RBFOX1: variants seen among roughly 807,000 people sequenced by gnomAD.
RBFOX1 encodes RNA binding protein fox-1 homolog 1.
RBFOX1 carries 8 observed loss-of-function variants against 57.7 expected under a neutral mutation model. That is an observed-to-expected ratio of 0.14 (90% CI 0.08 to 0.25). The LOEUF is 0.25. RBFOX1 is among the 10% of genes least tolerant of loss of function. The probability of loss-of-function intolerance (pLI) is 1.00; values close to 1 mark genes in which losing one functional copy is unlikely to be tolerated. For synonymous variants in RBFOX1, 326 were observed against 222.4 expected (o/e 1.47, Z -4.15); for missense variants, 611 against 548.5 (o/e 1.11, Z -1.14).
At chr16:7,527,936 C>T (rs912544196) in intron 5 of RBFOX1, among the ~76,000 whole-genome samples, 6 of 152,104 alleles carry the variant, frequency 3.9e-5, no homozygotes, top group East Asian at 1.9e-4. Flanking sequence ...ACTCCAATTC[C>T]GAGATTTATT....
At chr16:6,657,111 CCCTCTCCTCT>C (rs746674928) in intron 3 of RBFOX1, among the ~76,000 whole-genome samples, 26 of 111,792 alleles carry the variant, frequency 2.3e-4, no homozygotes, top group Non-Finnish European at 3.4e-4. Context: ...TCCTCTCCTC[CCCTCTCCTCT>C]CCTCTCCTCT....
In RBFOX1 at chr16:7,710,936, G is replaced by T; in HGVS notation, c.*191G>T. 3.0e-6 allele frequency: 2 copies of T among 674,476 alleles called. No homozygotes were observed. The highest frequency in any genetic ancestry group is 2.1e-6 in the Non-Finnish European group (1 of 469,448). The allele number at this position is 674,476 out of a possible 1,614,324, so 41.8% of individuals were successfully genotyped here. On this transcript the variant is annotated 3_prime_UTR_variant, in exon 16 of 16. Coordinates refer to ENST00000550418, the MANE Select transcript of RBFOX1 (RefSeq NM_018723.4). ...TTGTTCTGTGTATTTTAATATTGTG[G>T]GTCTTTAATTTCTGAAGGTTCCGTA...
At chr16:5,347,724 C>T (rs2065172781) in intron 1 of RBFOX1, among the ~76,000 whole-genome samples, 1 of 149,910 alleles carries the variant, frequency 6.7e-6, no homozygotes, top group Non-Finnish European at 1.5e-5. Flanking sequence ...ATCCATTCAT[C>T]CTCCCATCCA....
chr16:7,631,810 G>A (rs1385805309), intron 11 of RBFOX1, among the ~76,000 whole-genome samples: 2 of 152,082 alleles, frequency 1.3e-5, no homozygotes, highest in Admixed American at 6.5e-5. Context: ...TCACTGTTGG[G>A]GCAGCACCTC....
At chr16:7,150,983 T>A (rs1221407801) in intron 4 of RBFOX1, among the ~76,000 whole-genome samples, 2 of 152,212 alleles carry the variant, frequency 1.3e-5, no homozygotes, top group African/African-American at 4.8e-5. Flanking sequence ...TTGGGCCACA[T>A]CTTGGCAGAC....
chr16:6,449,305 C>G (rs948490597), intron 2 of RBFOX1, among the ~76,000 whole-genome samples: 24 of 152,206 alleles, frequency 1.6e-4, no homozygotes, highest in Admixed American at 1.6e-3. Context: ...CATGTCTACC[C>G]TTACTGCCTT....
chr16:7,170,897 C>G (rs2080558613), intron 4 of RBFOX1, among the ~76,000 whole-genome samples: 1 of 152,184 alleles, frequency 6.6e-6, no homozygotes, highest in Non-Finnish European at 1.5e-5. Flanking sequence ...AAACGTCCAG[C>G]TCTGCTCTCA....
At chr16:6,957,559 T>C (rs1205449468) in intron 3 of RBFOX1, among the ~76,000 whole-genome samples, 2 of 152,134 alleles carry the variant, frequency 1.3e-5, no homozygotes, top group African/African-American at 2.4e-5. Flanking sequence ...GAGGTGACTC[T>C]CATCACCATC....
In RBFOX1 at chr16:6,944,411, AAAAAGAAAG is replaced by A. The variant is rs1179569395; in HGVS notation, c.-15-107637_-15-107629del. 5.4e-3 allele frequency among the ~76,000 whole-genome samples: 797 copies of A among 146,902 alleles called. 6 individuals are homozygous for A. Among genetic ancestry groups the A allele is most frequent in the African/African-American group, 0.019 (740 of 39,720 alleles). On this transcript the variant is annotated intron_variant, in intron 3 of 15. Transcript: ENST00000550418. ...TCCATCTCAGAGAAAAAAAAAAAAA[AAAAAGAAAG>A]AAAAGAAAAAAGAAGACCACACCCT... is the stretch of plus-strand genomic sequence containing the variant.
At chr16:7,515,934 T>A (rs1488668260) in intron 4 of RBFOX1, among the ~76,000 whole-genome samples, 2 of 152,100 alleles carry the variant, frequency 1.3e-5, no homozygotes, top group Non-Finnish European at 2.9e-5. Flanking sequence ...AACTTCCACC[T>A]CCCACATTCA....
At chr16:6,893,390 C>T (rs557286704) in intron 3 of RBFOX1, among the ~76,000 whole-genome samples, 2 of 152,184 alleles carry the variant, frequency 1.3e-5, no homozygotes, top group African/African-American at 4.8e-5. Context: ...AGAAGGCTTT[C>T]TTTATCCCTG....
intron 4 of RBFOX1, among the ~76,000 whole-genome samples, chr16:7,330,767 C>T (rs748520612): frequency 6.6e-6 from 1 of 152,022 alleles, no homozygotes; most frequent in Non-Finnish European, 1.5e-5. Context: ...TTTTACAACA[C>T]TAAAGAGACA....
chr16:6,633,987 A>G (rs2154063453), intron 2 of RBFOX1, among the ~76,000 whole-genome samples: 1 of 152,248 alleles, frequency 6.6e-6, no homozygotes, highest in Non-Finnish European at 1.5e-5. Context: ...TGCTGTCCAG[A>G]CTGGACAACA....
At chr16:5,825,832 T>C (rs577033917) in intron 3 of RBFOX1, among the ~76,000 whole-genome samples, 348 of 142,376 alleles carry the variant, frequency 2.4e-3, no homozygotes, top group African/African-American at 8.5e-3. Context: ...TTCCTTAATA[T>C]GAATAAGGAA....
At chr16:5,414,937 T>C (rs2067122313) in intron 1 of RBFOX1, among the ~76,000 whole-genome samples, 1 of 152,224 alleles carries the variant, frequency 6.6e-6, no homozygotes, top group Non-Finnish European at 1.5e-5. Context: ...TGCCTGTTTT[T>C]TACCCTTGGT....
At chr16:6,604,785 C>T (rs976490855) in intron 2 of RBFOX1, among the ~76,000 whole-genome samples, 2 of 152,076 alleles carry the variant, frequency 1.3e-5, no homozygotes, top group Admixed American at 6.6e-5. Context: ...TTCTTTCTTT[C>T]TTACCAATTA....
intron 3 of RBFOX1, among the ~76,000 whole-genome samples, chr16:6,801,150 T>C (rs1009432647): frequency 6.6e-6 from 1 of 151,344 alleles, no homozygotes; most frequent in African/African-American, 2.4e-5. Flanking sequence ...CTAGGTGATG[T>C]TGATGTCTTG....
At chr16:7,469,166 C>G (rs1247951792) in intron 4 of RBFOX1, among the ~76,000 whole-genome samples, 1 of 152,124 alleles carries the variant, frequency 6.6e-6, no homozygotes, top group African/African-American at 2.4e-5. Flanking sequence ...AATCTCCTGA[C>G]CTCATGATCT....
intron 3 of RBFOX1, among the ~76,000 whole-genome samples, chr16:6,790,842 T>C (rs2082801439): frequency 6.6e-6 from 1 of 152,198 alleles, no homozygotes; most frequent in Non-Finnish European, 1.5e-5. Context: ...TATTTAACTT[T>C]ATAGTTTTGT....
Sources: allele counts gnomAD v4.1 joint callset (sites outside exome capture counted in the v4.1 genomes callset), GRCh38; gene constraint gnomAD v4.1.1; transcripts MANE v1.5; gene names NCBI Gene and HGNC (gene_info 2026-07-23, HGNC 2026-07-21).